FARP1: variants seen among roughly 807,000 people sequenced by gnomAD.
FARP1 encodes FERM, ARH/RhoGEF and pleckstrin domain protein 1, also known as FERM, ARHGEF and pleckstrin domain-containing protein 1.
In FARP1, 52 loss-of-function variants were observed where a neutral mutation model predicts 128.8. The ratio of observed to expected loss-of-function variants is 0.40; its 90% CI spans 0.32 to 0.51. The LOEUF is 0.51. Ranked by LOEUF, FARP1 falls within the 20% of genes least tolerant of loss-of-function variation. The pLI is 0.45. For synonymous variants in FARP1, 580 were observed against 551.8 expected (o/e 1.05, Z -0.72); for missense variants, 1,333 against 1,367.9 (o/e 0.97, Z 0.40).
At chr13:98,439,085 C>T in intron 20 of FARP1, 22 bp from the exon 21 acceptor site, 1 of 1,602,092 alleles carries the variant, frequency 6.2e-7, no homozygotes, top group South Asian at 1.1e-5. Context: ...GTCTCACCTC[C>T]ACACACTTCT....
chr13:98,231,639 A>G (rs1882121073), intron 2 of FARP1, among the ~76,000 whole-genome samples: 1 of 151,860 alleles, frequency 6.6e-6, no homozygotes, highest in Non-Finnish European at 1.5e-5. Context: ...GGGTTCCACC[A>G]TGTTGGCCAG....
At chr13:98,439,886 G>A in intron 21 of FARP1, 75 bp from the exon 22 acceptor site, 1 of 1,067,202 alleles carries the variant, frequency 9.4e-7, no homozygotes, top group Non-Finnish European at 1.4e-6. Context: ...TTTCCAAGTT[G>A]CCTGGCTGCC....
chr13:98,312,307 A>G (rs1886508220), intron 2 of FARP1, among the ~76,000 whole-genome samples: 1 of 150,780 alleles, frequency 6.6e-6, no homozygotes, highest in Admixed American at 6.6e-5. Flanking sequence ...CGCCTGGCTA[A>G]TTTTTGTATT....
At position 98,349,022 on chromosome 13, in the gene FARP1, C is replaced by T. The variant is rs79201633; in HGVS notation, c.276+5156C>T. On this transcript the variant is annotated intron_variant, in intron 3 of 26. Coordinates refer to ENST00000319562, the MANE Select transcript of FARP1 (RefSeq NM_005766.4). The stretch of plus-strand genomic sequence containing the variant: ...GGCTGCCTGTCCTTGGATCTCCCGT[C>T]GGAAAGAGCTGCACAAACCGTAACA... Among the ~76,000 whole-genome samples the T allele has an allele frequency of 1.6e-4, 25 of 152,280 alleles. 2 individuals carry two copies. In the East Asian group the frequency reaches 4.4e-3, roughly 27 times the overall value.
intron 18 of FARP1, chr13:98,435,373 G>C: frequency 3.9e-6 from 2 of 516,424 alleles, no homozygotes; most frequent in South Asian, 5.5e-5. Context: ...TTAGTTTTAA[G>C]ATGCTAAAGT....
intron 3 of FARP1, among the ~76,000 whole-genome samples, chr13:98,357,550 C>T (rs920119723): frequency 6.6e-6 from 1 of 152,196 alleles, no homozygotes; most frequent in Non-Finnish European, 1.5e-5. Context: ...GAGAGCATAA[C>T]ATTTTATATC....
chr13:98,353,418 GC>G (rs1888515520), intron 3 of FARP1, among the ~76,000 whole-genome samples: 1 of 152,238 alleles, frequency 6.6e-6, no homozygotes, highest in Admixed American at 6.5e-5. Context: ...CACTCTTGTT[GC>G]CCAGGCTGGA....
chr13:98,371,364 G>A (rs751210045), intron 5 of FARP1, among the ~76,000 whole-genome samples: 2 of 151,980 alleles, frequency 1.3e-5, no homozygotes, highest in Middle Eastern at 3.2e-3. Flanking sequence ...CCATCGAGCC[G>A]CATGTGCCTG....
At chr13:98,352,058 T>C (rs1888456576) in intron 3 of FARP1, among the ~76,000 whole-genome samples, 1 of 152,034 alleles carries the variant, frequency 6.6e-6, no homozygotes, top group Non-Finnish European at 1.5e-5. Context: ...AAGCATAGTT[T>C]TTAGATCTTC....
intron 13 of FARP1, chr13:98,406,602 T>C (rs1051921385): frequency 6.6e-6 from 1 of 152,244 alleles, no homozygotes; most frequent in African/African-American, 2.4e-5. Flanking sequence ...CTGACATCTT[T>C]AGGCTCCGTG....
At chr13:98,379,562 C>T (rs1889809908) in intron 6 of FARP1, among the ~76,000 whole-genome samples, 1 of 152,014 alleles carries the variant, frequency 6.6e-6, no homozygotes, top group African/African-American at 2.4e-5. Flanking sequence ...TAAATGGTAG[C>T]ATACACAGTT....
rs537071591 is a variant in FARP1, at chr13:98,342,384, G to T, written c.172-1378G>T. On this transcript the variant is annotated intron_variant, in intron 2 of 26. Transcript: ENST00000319562. Reference sequence around the variant, plus strand: ...ATAAACTGTATTACATCCAGACAGTGGAATATTATTCCACAGTAAAAATAA... The same window carrying T: ...ATAAACTGTATTACATCCAGACAGTTGAATATTATTCCACAGTAAAAATAA... Among the ~76,000 whole-genome samples the T allele has an allele frequency of 2.6e-5, 4 of 152,310 alleles. No individual in the cohort carries two copies. In the South Asian group the frequency reaches 8.3e-4, roughly 32 times the overall value.
At chr13:98,308,405 G>A (rs1886279757) in intron 2 of FARP1, among the ~76,000 whole-genome samples, 1 of 152,002 alleles carries the variant, frequency 6.6e-6, no homozygotes, top group Non-Finnish European at 1.5e-5. Context: ...GACAAACGTG[G>A]TACCCCCTTA....
At chr13:98,372,177 C>T (rs549096883) in intron 5 of FARP1, among the ~76,000 whole-genome samples, 18 of 149,804 alleles carry the variant, frequency 1.2e-4, no homozygotes, top group South Asian at 4.2e-4. Flanking sequence ...ACCTCCGCCT[C>T]GTAGGTTCAA....
At chr13:98,313,122 AC>A (rs1886551890) in intron 2 of FARP1, among the ~76,000 whole-genome samples, 1 of 151,184 alleles carries the variant, frequency 6.6e-6, no homozygotes, top group African/African-American at 2.4e-5. Flanking sequence ...ACACACACAC[AC>A]ACACACACAC....
intron 2 of FARP1, among the ~76,000 whole-genome samples, chr13:98,308,033 CTTTTTTTTTTTTTTT>C (rs10536692): frequency 1.2e-4 from 2 of 16,970 alleles, no homozygotes; most frequent in African/African-American, 1.5e-4. Context: ...CACTCTCTCT[CTTTTTTTTTTTTTTT>C]TTTTTTTTTT....
At chr13:98,293,921 A>G (rs1312504859) in intron 2 of FARP1, among the ~76,000 whole-genome samples, 5 of 152,156 alleles carry the variant, frequency 3.3e-5, no homozygotes, top group Non-Finnish European at 2.9e-5. Flanking sequence ...CAGGGTTCCC[A>G]GATGTTTTTG....
chr13:98,325,274 T>A (rs1423915460), intron 2 of FARP1, among the ~76,000 whole-genome samples: 1 of 152,250 alleles, frequency 6.6e-6, no homozygotes, highest in Non-Finnish European at 1.5e-5. Context: ...TGGATTCATC[T>A]TTACACTCAA....
At chr13:98,427,122 A>G (rs576158439) in intron 17 of FARP1, among the ~76,000 whole-genome samples, 1 of 151,964 alleles carries the variant, frequency 6.6e-6, no homozygotes, top group East Asian at 1.9e-4. Context: ...AATGACAGGG[A>G]TCCACAGAAC....
Sources: allele counts gnomAD v4.1 joint callset (sites outside exome capture counted in the v4.1 genomes callset), GRCh38; gene constraint gnomAD v4.1.1; transcripts MANE v1.5; gene names NCBI Gene and HGNC (gene_info 2026-07-23, HGNC 2026-07-21).